Variants in CADPS observed in about 807,000 individuals in gnomAD.
CADPS encodes the protein calcium dependent secretion activator, also known as calcium-dependent secretion activator 1.
In CADPS, 57 loss-of-function variants were observed where a neutral mutation model predicts 167.3. The ratio of observed to expected loss-of-function variants is 0.34; its 90% CI spans 0.28 to 0.42. The LOEUF is 0.42. CADPS is among the 20% of genes least tolerant of loss of function. The pLI is 1.00. For missense variants in CADPS, 1,414 were observed against 1,738.1 expected (o/e 0.81, Z 3.32); for synonymous variants, 676 against 635.3 (o/e 1.06, Z -0.96).
Position 62,465,162 on chromosome 3 carries a change from C to G in CADPS, c.3636+205G>C, listed in dbSNP as rs1327269024. Among the ~76,000 whole-genome samples the G allele has an allele frequency of 6.6e-6, 1 of 152,066 alleles. No individual in the cohort carries two copies. The highest frequency in any genetic ancestry group is 1.5e-5 in the Non-Finnish European group (1 of 68,022). ...TCATAAAAAATACACACATATTGTA[C>G]CTTTACAAATGAAATAGAAATGATG... On this transcript the variant is annotated intron_variant, in intron 26 of 29. Coordinates refer to ENST00000383710, the MANE Select transcript of CADPS (RefSeq NM_003716.4). This position sits in a 1 kb window ranked among gnomAD's most constrained non-coding sequence, Gnocchi z 4.1.
At chr3:62,752,632 G>A (rs2082946022) in intron 3 of CADPS, among the ~76,000 whole-genome samples, 1 of 152,154 alleles carries the variant, frequency 6.6e-6, no homozygotes, top group Admixed American at 6.6e-5. Flanking sequence ...TGAAGGTGAA[G>A]GGCAACATAA....
chr3:62,633,898 C>T (rs2149762984), intron 6 of CADPS, among the ~76,000 whole-genome samples: 1 of 152,308 alleles, frequency 6.6e-6, no homozygotes, highest in African/African-American at 2.4e-5. Flanking sequence ...TACAATGTTG[C>T]TATTAAAAAC....
chr3:62,502,740 G>A (rs543046462), intron 17 of CADPS, among the ~76,000 whole-genome samples: 8 of 152,094 alleles, frequency 5.3e-5, no homozygotes, highest in Non-Finnish European at 8.8e-5. Context: ...GAAAGTTTAC[G>A]GTACTTGATT....
chr3:62,471,876 G>A (rs1438278601), intron 24 of CADPS, among the ~76,000 whole-genome samples: 1 of 151,978 alleles, frequency 6.6e-6, no homozygotes, highest in Non-Finnish European at 1.5e-5. Context: ...GTTGCAAATC[G>A]TATATATGAT....
chr3:62,604,066 G>A (rs1478679602), intron 6 of CADPS, among the ~76,000 whole-genome samples: 2 of 151,762 alleles, frequency 1.3e-5, no homozygotes, highest in South Asian at 2.1e-4. Flanking sequence ...TCCTGACCTC[G>A]TGATCAGCCC....
rs182111263 is a variant in CADPS, at chr3:62,788,934, A to G, written c.442-22950T>C. Among the ~76,000 whole-genome samples, 343 of 152,322 alleles carry G rather than the reference A, an allele frequency of 2.3e-3. 5 individuals carry two copies. Among genetic ancestry groups the G allele is most frequent in the African/African-American group, 8.1e-3 (336 of 41,562 alleles). ...TTAAGTAGGACTGCAAATAGGAAAC[A>G]GAGTTGAGGCTCCAATATTAATCTG... On this transcript the variant is annotated intron_variant, in intron 1 of 29. Coordinates refer to ENST00000383710, the MANE Select transcript of CADPS (RefSeq NM_003716.4).
Position 62,518,223 on chromosome 3 carries a change from AAC to A in CADPS, c.2317_2318del (p.Val773Ter). 1 of 1,612,748 alleles carries A rather than the reference AAC, an allele frequency of 6.2e-7. No homozygotes were observed. Among genetic ancestry groups the A allele is most frequent in the Non-Finnish European group, 8.5e-7 (1 of 1,179,426 alleles). On this transcript the variant is annotated frameshift_variant, in exon 14 of 30. Coordinates refer to ENST00000383710, the MANE Select transcript of CADPS (RefSeq NM_003716.4). LOFTEE classifies it high-confidence loss of function. ...NRPDGIGTVT[V>X]EEKERFEEIK... ...TTTCTTCAAAACGTTCCTTTTCTTC[AAC>A]AGTCACAGTTCCAATTCCATCAGGC... is the stretch of plus-strand genomic sequence containing the variant.
intron 21 of CADPS, among the ~76,000 whole-genome samples, chr3:62,490,889 G>A (rs1216348846): frequency 6.6e-6 from 1 of 152,140 alleles, no homozygotes; most frequent in Non-Finnish European, 1.5e-5. Flanking sequence ...ACAGAGTTGA[G>A]TTGTGACAGA....
intron 1 of CADPS, among the ~76,000 whole-genome samples, chr3:62,859,103 C>T (rs562073296): frequency 2.0e-5 from 3 of 152,144 alleles, no homozygotes; most frequent in South Asian, 2.1e-4. Flanking sequence ...GTTCTTGCTG[C>T]GATTAGGGAA....
At chr3:62,450,128 C>T (rs2057821546) in intron 26 of CADPS, among the ~76,000 whole-genome samples, 1 of 152,160 alleles carries the variant, frequency 6.6e-6, no homozygotes, top group African/African-American at 2.4e-5. Flanking sequence ...CAATTTCTTG[C>T]TATAAAAAAG....
At chr3:62,599,509 TTATA>T (rs201473230) in intron 6 of CADPS, among the ~76,000 whole-genome samples, 1 of 104,682 alleles carries the variant, frequency 9.6e-6, no homozygotes, top group East Asian at 2.6e-4. Flanking sequence ...TTTATATATA[TTATA>T]TATATATTAC....
At chr3:62,702,796 G>A (rs929604126) in intron 3 of CADPS, among the ~76,000 whole-genome samples, 7 of 152,112 alleles carry the variant, frequency 4.6e-5, no homozygotes, top group African/African-American at 7.2e-5. Context: ...ATTAATTTAA[G>A]TTTAAATCAG....
chr3:62,624,189 C>T (rs879261310), intron 6 of CADPS, among the ~76,000 whole-genome samples: 4 of 149,890 alleles, frequency 2.7e-5, no homozygotes, highest in Non-Finnish European at 4.4e-5. Context: ...CACCTTCATC[C>T]AGTAGTAGGG....
At chr3:62,796,038 A>G (rs890701440) in intron 1 of CADPS, 9 of 152,262 alleles carry the variant, frequency 5.9e-5, no homozygotes, top group Non-Finnish European at 1.0e-4. Context: ...TGTGCTAAAA[A>G]GCTTGAATTT....
chr3:62,811,672 G>T (rs1467288488), intron 1 of CADPS, among the ~76,000 whole-genome samples: 1 of 152,162 alleles, frequency 6.6e-6, no homozygotes, highest in African/African-American at 2.4e-5. Flanking sequence ...CTGAACAATG[G>T]CATCAATGCT....
chr3:62,805,310 C>T (rs569976591), intron 1 of CADPS, among the ~76,000 whole-genome samples: 13 of 152,254 alleles, frequency 8.5e-5, no homozygotes, highest in Admixed American at 2.6e-4. Flanking sequence ...CTCTCAGTTA[C>T]GCCTCAAAGG....
chr3:62,642,545 G>A (rs1579439763), intron 6 of CADPS, among the ~76,000 whole-genome samples: 1 of 152,312 alleles, frequency 6.6e-6, no homozygotes, highest in East Asian at 1.9e-4. Flanking sequence ...AGGCTTCTGA[G>A]TAAGTTAAAA....
intron 11 of CADPS, among the ~76,000 whole-genome samples, chr3:62,542,492 C>G (rs776604061): frequency 1.3e-5 from 2 of 152,010 alleles, no homozygotes; most frequent in Non-Finnish European, 2.9e-5. Flanking sequence ...AAGAGCTTTC[C>G]TTGGAATAGT....
Position 62,789,268 on chromosome 3 carries a change from T to C in CADPS, c.442-23284A>G, listed in dbSNP as rs75716010. 7.9e-4 allele frequency among the ~76,000 whole-genome samples: 120 copies of C among 152,236 alleles called. 1 individual carries two copies. The East Asian group carries it at 0.021, about 27-fold the overall frequency. On this transcript the variant is annotated intron_variant, in intron 1 of 29. Coordinates refer to ENST00000383710, the MANE Select transcript of CADPS (RefSeq NM_003716.4). ...AATACTGAGAAATAAGCACTGCTAT[T>C]ACAAGTGAGGAAACCAAGACTTAAG...
Sources: gnomAD v4.1 joint callset for allele counts (sites outside exome capture counted in the v4.1 genomes callset) on GRCh38, gnomAD v4.1.1 for gene constraint, Gnocchi (gnomAD v3.1) non-coding constraint, MANE v1.5 for transcripts, NCBI Gene and HGNC (gene_info 2026-07-23, HGNC 2026-07-21) for gene names.